TRAM2: variants seen among roughly 807,000 people sequenced by gnomAD.
TRAM2 encodes translocating chain-associated membrane protein 2.
TRAM2 carries 12 observed loss-of-function variants against 51.0 expected under a neutral mutation model. The observed-to-expected ratio is 0.24, with a 90% CI of 0.15 to 0.38. The LOEUF (loss-of-function observed/expected upper bound fraction) is 0.38. Among genes scored for constraint, TRAM2 ranks in the 10% least tolerant of loss-of-function variants. The pLI is 1.00. For missense variants in TRAM2, 361 were observed against 462.0 expected (o/e 0.78, Z 2.00); for synonymous variants, 175 against 179.4 (o/e 0.98, Z 0.20).
At chr6:52,527,484 G>A (rs1766804761) in intron 2 of TRAM2, among the ~76,000 whole-genome samples, 2 of 151,856 alleles carry the variant, frequency 1.3e-5, no homozygotes, top group African/African-American at 4.8e-5. Context: ...TAAAGATGTG[G>A]GGTGGGGTCC....
chr6:52,559,855 T>C (rs1256305080), intron 1 of TRAM2, among the ~76,000 whole-genome samples: 1 of 152,232 alleles, frequency 6.6e-6, no homozygotes, highest in African/African-American at 2.4e-5. Flanking sequence ...GACATAATTC[T>C]TATCTCAAGT....
intron 2 of TRAM2, among the ~76,000 whole-genome samples, chr6:52,526,845 G>A (rs1249187228): frequency 6.6e-6 from 1 of 152,134 alleles, no homozygotes; most frequent in African/African-American, 2.4e-5. Flanking sequence ...AACATCGCCT[G>A]GGCATGACAC....
rs142705528 is a variant in TRAM2, at chr6:52,498,375, T to A, written c.*4822A>T. 1 of 152,562 alleles carries A rather than the reference T, an allele frequency of 6.6e-6. No individual in the cohort carries two copies. Among genetic ancestry groups the A allele is most frequent in the Non-Finnish European group, 1.5e-5 (1 of 68,048 alleles). 9.5% of individuals were successfully genotyped at this position (152,562 alleles called of 1,614,324 possible). A position where few individuals can be genotyped will look rare whatever the true frequency, so the allele number is the denominator to read the frequency against. ...CGAACAGTTCTGCAACAGTCAGACA[T>A]GTATGTGTTTATGTGTTAGCACTTG... On this transcript the variant is annotated 3_prime_UTR_variant, in exon 11 of 11. Transcript: ENST00000182527.
intron 1 of TRAM2, among the ~76,000 whole-genome samples, chr6:52,563,603 C>CAGCT (rs143272947): frequency 0.011 from 1,715 of 150,300 alleles, 38 homozygotes; most frequent in African/African-American, 0.04. Flanking sequence ...CCTCTAGTCC[C>CAGCT]AGCTACTCAG....
chr6:52,565,410 G>A (rs1767573342), intron 1 of TRAM2, among the ~76,000 whole-genome samples: 1 of 152,156 alleles, frequency 6.6e-6, no homozygotes. Flanking sequence ...GGCAAGTGAC[G>A]GCTGCGGGCT....
intron 4 of TRAM2, 72 bp from the exon 5 acceptor site, chr6:52,509,658 A>C: frequency 1.4e-6 from 2 of 1,425,492 alleles, no homozygotes; most frequent in Non-Finnish European, 2.0e-6. Context: ...GGACCGGTCC[A>C]GGGGTCAGGG....
intron 2 of TRAM2, among the ~76,000 whole-genome samples, chr6:52,520,362 T>C (rs1766647931): frequency 6.6e-6 from 1 of 152,190 alleles, no homozygotes; most frequent in Admixed American, 6.5e-5. Context: ...CCTCTCTTCC[T>C]GCCACAGGGA....
Position 52,503,361 on chromosome 6 carries a change from C to T in TRAM2, c.1040-91G>A, listed in dbSNP as rs552414683. The T allele has an allele frequency of 2.6e-4, 311 of 1,188,454 alleles. 1 individual carries two copies. The highest frequency in any genetic ancestry group is 3.4e-4 in the Non-Finnish European group (268 of 795,826). The allele number at this position is 1,188,454 out of a possible 1,614,324, so 73.6% of individuals were successfully genotyped here. ...GTGGGGCCAGGCCAAGGAAGGGGCC[C>T]GGGCAGCCCAGCTGCTATACATGGA... On this transcript the variant is annotated intron_variant, in intron 10 of 10. Coordinates refer to ENST00000182527, the MANE Select transcript of TRAM2 (RefSeq NM_012288.4).
At chr6:52,504,548 G>T in intron 10 of TRAM2, 43 bp downstream of exon 10, 1 of 1,611,536 alleles carries the variant, frequency 6.2e-7, no homozygotes, top group South Asian at 1.1e-5. Context: ...ATCCCAGACA[G>T]ACTTCCCTGG....
chr6:52,510,543 G>C (rs1184500859), intron 4 of TRAM2, among the ~76,000 whole-genome samples: 2 of 152,138 alleles, frequency 1.3e-5, no homozygotes, highest in East Asian at 3.8e-4. Flanking sequence ...CCAAGACCTT[G>C]TATAAGACCA....
At chr6:52,562,150 T>C (rs1224205216) in intron 1 of TRAM2, among the ~76,000 whole-genome samples, 4 of 152,020 alleles carry the variant, frequency 2.6e-5, no homozygotes, top group Admixed American at 2.6e-4. Context: ...ATTGAAAATA[T>C]ATGAGATCCG....
At chr6:52,531,120 C>CAAAAAAA (rs35821052) in intron 2 of TRAM2, among the ~76,000 whole-genome samples, 21 of 96,260 alleles carry the variant, frequency 2.2e-4, no homozygotes, top group Non-Finnish European at 3.5e-4. Context: ...CCTGGTTATG[C>CAAAAAAA]AAAAAAAAAA....
At chr6:52,549,524 T>G (rs867340913) in intron 1 of TRAM2, among the ~76,000 whole-genome samples, 1 of 152,178 alleles carries the variant, frequency 6.6e-6, no homozygotes, top group African/African-American at 2.4e-5. Context: ...ACAATTAAAT[T>G]TCATCAGTTA....
At chr6:52,513,124 C>T (rs984748753) in intron 4 of TRAM2, among the ~76,000 whole-genome samples, 7 of 152,064 alleles carry the variant, frequency 4.6e-5, no homozygotes, top group Non-Finnish European at 7.4e-5. Context: ...AAATTATTGG[C>T]GGTCCAGCCA....
chr6:52,504,037 G>A (rs1302291435), intron 10 of TRAM2, among the ~76,000 whole-genome samples: 1 of 152,210 alleles, frequency 6.6e-6, no homozygotes, highest in Non-Finnish European at 1.5e-5. Flanking sequence ...GTGCAGGGCT[G>A]GCAGGGCCTG....
chr6:52,559,397 A>G (rs1315473338), intron 1 of TRAM2, among the ~76,000 whole-genome samples: 1 of 152,222 alleles, frequency 6.6e-6, no homozygotes, highest in African/African-American at 2.4e-5. Context: ...TAAAGGACTC[A>G]GGCTGTGAAG....
intron 1 of TRAM2, among the ~76,000 whole-genome samples, chr6:52,563,489 G>A (rs901228886): frequency 3.9e-5 from 6 of 152,012 alleles, no homozygotes; most frequent in Admixed American, 1.3e-4. Flanking sequence ...GGAGACTGAG[G>A]TGGGCGGATC....
chr6:52,503,167 A>T lies in TRAM2; in HGVS notation c.*30T>A. 6.3e-7 allele frequency: 1 copy of T among 1,599,446 alleles called. No individual in the cohort carries two copies. The highest frequency in any genetic ancestry group is 8.6e-7 in the Non-Finnish European group (1 of 1,167,342). ...CCTTGCCCCCTGCTCGGCCCCCACC[A>T]AGAGGATTCCTGTTCTTAGCACTTT... On this transcript the variant is annotated 3_prime_UTR_variant, in exon 11 of 11. Coordinates refer to ENST00000182527, the MANE Select transcript of TRAM2 (RefSeq NM_012288.4).
chr6:52,557,182 A>G (rs147066901), intron 1 of TRAM2, among the ~76,000 whole-genome samples: 26,797 of 145,984 alleles, frequency 0.18, 3,472 homozygotes, highest in Non-Finnish European at 0.28. Flanking sequence ...GACAAAGCAA[A>G]ACTCTGTCTC....
Sources: gnomAD v4.1 joint callset for allele counts (sites outside exome capture counted in the v4.1 genomes callset) on GRCh38, gnomAD v4.1.1 for gene constraint, MANE v1.5 for transcripts, NCBI Gene and HGNC (gene_info 2026-07-23, HGNC 2026-07-21) for gene names.